The following PRKG1 variants were observed in gnomAD, a reference collection of about 807,000 sequenced individuals.
PRKG1 encodes the protein protein kinase cGMP-dependent 1.
A neutral mutation model predicts 88.1 loss-of-function variants in PRKG1; 35 were observed. The observed-to-expected ratio is 0.40, with a 90% CI of 0.30 to 0.53. PRKG1 has a LOEUF of 0.53. Ranked by LOEUF, PRKG1 falls within the 20% of genes least tolerant of loss-of-function variation. The pLI, the probability that PRKG1 is intolerant of heterozygous loss-of-function variation, is 0.59. For synonymous variants in PRKG1, 303 were observed against 292.5 expected, an observed-to-expected ratio of 1.04 and a Z score of -0.37; for missense variants, 540 against 839.8, an observed-to-expected ratio of 0.64 and a Z score of 4.41.
At chr10:51,621,221 C>A (rs1839203725) in intron 3 of PRKG1, among the ~76,000 whole-genome samples, 1 of 151,478 alleles carries the variant, frequency 6.6e-6, no homozygotes, top group Admixed American at 6.6e-5. Context: ...ACTGGTTACA[C>A]CTGAAGGGGA....
intron 3 of PRKG1, among the ~76,000 whole-genome samples, chr10:51,524,284 GTCATT>G (rs1266153437): frequency 2.0e-5 from 3 of 152,150 alleles, no homozygotes; most frequent in African/African-American, 7.2e-5. Context: ...AACCAATGCA[GTCATT>G]ATACAGGAAA....
At chr10:51,003,556 C>T (rs959514846) in intron 1 of PRKG1, among the ~76,000 whole-genome samples, 2 of 152,224 alleles carry the variant, frequency 1.3e-5, no homozygotes, top group Non-Finnish European at 2.9e-5. Flanking sequence ...TATGAGCATA[C>T]GCTAAATCTC....
intron 5 of PRKG1, among the ~76,000 whole-genome samples, chr10:51,968,158 T>A (rs1486949489): frequency 6.6e-6 from 1 of 152,196 alleles, no homozygotes; most frequent in African/African-American, 2.4e-5. Flanking sequence ...GAGATGCAGA[T>A]CTTGCCTTAT....
intron 1 of PRKG1, among the ~76,000 whole-genome samples, chr10:51,141,937 A>C (rs999457676): frequency 1.3e-5 from 2 of 152,110 alleles, no homozygotes; most frequent in African/African-American, 2.4e-5. Context: ...TTAATTACGA[A>C]ATCTGCCATT....
intron 1 of PRKG1, among the ~76,000 whole-genome samples, chr10:51,047,225 A>T (rs982456152): frequency 2.0e-5 from 3 of 152,204 alleles, no homozygotes; most frequent in African/African-American, 7.2e-5. Context: ...ACAATGGAGC[A>T]TAATGGTTAA....
intron 1 of PRKG1, among the ~76,000 whole-genome samples, chr10:51,025,463 GAC>G (rs71816227): frequency 0.18 from 27,424 of 152,040 alleles, 3,050 homozygotes; most frequent in South Asian, 0.3. Flanking sequence ...TTCTGCTTTG[GAC>G]ACTTGTTGAG....
At chr10:51,012,710 A>G (rs533825623) in intron 1 of PRKG1, among the ~76,000 whole-genome samples, 2 of 152,396 alleles carry the variant, frequency 1.3e-5, no homozygotes, top group Admixed American at 1.3e-4. Flanking sequence ...AGCCTGGTCT[A>G]GTAATAGAGA....
chr10:51,616,844 A>G (rs1200820910), intron 3 of PRKG1, among the ~76,000 whole-genome samples: 2 of 152,106 alleles, frequency 1.3e-5, no homozygotes, highest in African/African-American at 2.4e-5. Flanking sequence ...CATGCACACC[A>G]CTTGCTCCTC....
At chr10:51,284,297 T>C (rs1840377547) in intron 2 of PRKG1, among the ~76,000 whole-genome samples, 1 of 152,188 alleles carries the variant, frequency 6.6e-6, no homozygotes, top group Non-Finnish European at 1.5e-5. Flanking sequence ...TCTACAGGGA[T>C]GAGTCCTCCA....
chr10:51,829,630 G>A (rs1427839177), intron 4 of PRKG1, among the ~76,000 whole-genome samples: 1 of 152,192 alleles, frequency 6.6e-6, no homozygotes, highest in Middle Eastern at 3.4e-3. Context: ...TGAATGTATA[G>A]GTCTAAAGGA....
intron 1 of PRKG1, among the ~76,000 whole-genome samples, chr10:51,076,371 T>C (rs1420925768): frequency 6.6e-6 from 1 of 152,230 alleles, no homozygotes; most frequent in Non-Finnish European, 1.5e-5. Flanking sequence ...CAACTTTCTC[T>C]GGTAAATTAA....
chr10:51,440,052 A>G (rs1382702535), intron 2 of PRKG1, among the ~76,000 whole-genome samples: 1 of 151,980 alleles, frequency 6.6e-6, no homozygotes, highest in Non-Finnish European at 1.5e-5. Context: ...ATATGTGCAG[A>G]TGAATGCTGA....
At chr10:51,577,474 A>G (rs11813594) in intron 3 of PRKG1, among the ~76,000 whole-genome samples, 21,693 of 152,042 alleles carry the variant, frequency 0.14, 1,678 homozygotes, top group African/African-American at 0.2. Context: ...GCATGTATGA[A>G]AATCCTAAAT....
intron 2 of PRKG1, among the ~76,000 whole-genome samples, chr10:51,365,034 A>G (rs771568373): frequency 6.6e-6 from 1 of 151,960 alleles, no homozygotes; most frequent in Admixed American, 6.6e-5. Context: ...CAGAAAATCA[A>G]TTTGGAGCTG....
intron 3 of PRKG1, among the ~76,000 whole-genome samples, chr10:51,721,653 A>G (rs1842016271): frequency 6.6e-6 from 1 of 152,176 alleles, no homozygotes; most frequent in South Asian, 2.1e-4. Context: ...CTGCTAATAT[A>G]ATTAATAAGC....
intron 4 of PRKG1, among the ~76,000 whole-genome samples, chr10:51,895,416 G>A (rs2132917423): frequency 6.6e-6 from 1 of 152,200 alleles, no homozygotes; most frequent in East Asian, 2.0e-4. Flanking sequence ...ACATGTTCCT[G>A]AGCTCACTTC....
At chr10:51,954,559 C>A (rs1843258773) in intron 5 of PRKG1, among the ~76,000 whole-genome samples, 1 of 152,090 alleles carries the variant, frequency 6.6e-6, no homozygotes, top group Admixed American at 6.6e-5. Context: ...TTTGTATTTG[C>A]ATGTGTTTGA....
chr10:51,854,805 C>T (rs1840639056), intron 4 of PRKG1, among the ~76,000 whole-genome samples: 1 of 152,014 alleles, frequency 6.6e-6, no homozygotes, highest in African/African-American at 2.4e-5. Context: ...CATTTTGGTA[C>T]AACGAGTTTA....
chr10:51,496,902 A>G (rs1040848830), intron 3 of PRKG1, among the ~76,000 whole-genome samples: 2 of 152,198 alleles, frequency 1.3e-5, no homozygotes, highest in Admixed American at 1.3e-4. Context: ...GCACCTTCTA[A>G]AAGTAAGAAT....
Sources: gnomAD v4.1 joint callset for allele counts (sites outside exome capture counted in the v4.1 genomes callset) on GRCh38, gnomAD v4.1.1 for gene constraint, MANE v1.5 for transcripts, NCBI Gene and HGNC (gene_info 2026-07-23, HGNC 2026-07-21) for gene names.